AGBL1: variants seen among roughly 807,000 people sequenced by gnomAD.
The protein encoded by AGBL1 is AGBL carboxypeptidase 1, also known as cytosolic carboxypeptidase 4.
AGBL1 carries 130 observed loss-of-function variants against 118.9 expected under a neutral mutation model. The ratio of observed to expected loss-of-function variants is 1.09; its 90% confidence interval spans 0.95 to 1.26. The LOEUF (loss-of-function observed/expected upper bound fraction) is 1.26, where lower values mean the gene tolerates loss of function less well. Ranked by LOEUF, AGBL1 falls within the 50% of genes most tolerant of loss-of-function variation. The probability of loss-of-function intolerance (pLI) is 0.00; values close to 1 mark genes in which losing one functional copy is unlikely to be tolerated. For missense variants in AGBL1, 1,584 were observed against 1,298.1 expected, an observed-to-expected ratio of 1.22 and a Z score of -3.38; for synonymous variants, 555 against 478.9, an observed-to-expected ratio of 1.16 and a Z score of -2.08.
At chr15:86,831,617 G>A (rs960276876) in intron 22 of AGBL1, among the ~76,000 whole-genome samples, 1 of 152,216 alleles carries the variant, frequency 6.6e-6, no homozygotes, top group Non-Finnish European at 1.5e-5. Flanking sequence ...TGCAAGAGGT[G>A]GGTTCCCATG....
At chr15:87,014,146 A>G (rs1327265346) in intron 24 of AGBL1, among the ~76,000 whole-genome samples, 1 of 152,218 alleles carries the variant, frequency 6.6e-6, no homozygotes, top group African/African-American at 2.4e-5. Flanking sequence ...ATCATGATAT[A>G]GCCCAGAAAT....
intron 22 of AGBL1, among the ~76,000 whole-genome samples, chr15:86,749,436 T>C (rs2077812841): frequency 6.6e-6 from 1 of 152,092 alleles, no homozygotes; most frequent in Non-Finnish European, 1.5e-5. Flanking sequence ...TTTCTAGATA[T>C]ATAATCATGT....
rs1330536290 is a variant in AGBL1 at position 86,808,558 on chromosome 15, T to TTTCCTTCCTCCCCTTTCC, written c.3159-98501_3159-98484dup. ...TTATAAATTTTCTCTCCTCTTTATCTTTCCTTCCTCCCCTTTCCTTCCTTC... is the reference window on the plus strand; with the variant it reads ...TTATAAATTTTCTCTCCTCTTTATCTTTCCTTCCTCCCCTTTCCTTCCTTCCTCCCCTTTCCTTCCTTC... On this transcript the variant is annotated intron_variant, in intron 22 of 22. Transcript: ENST00000614907. Among the ~76,000 whole-genome samples, 886 of 150,886 alleles carry TTTCCTTCCTCCCCTTTCC rather than the reference T, an allele frequency of 5.9e-3. 19 individuals are homozygous for TTTCCTTCCTCCCCTTTCC. Among genetic ancestry groups the TTTCCTTCCTCCCCTTTCC allele is most frequent in the Middle Eastern group, 0.039 (11 of 284 alleles).
intron 17 of AGBL1, among the ~76,000 whole-genome samples, chr15:86,392,689 A>G (rs10520625): frequency 0.025 from 3,858 of 152,268 alleles, 169 homozygotes; most frequent in African/African-American, 0.089. Context: ...TCTCTTAGGC[A>G]TTATTCAATC....
At chr15:87,015,694 C>T (rs1240957917) in intron 24 of AGBL1, among the ~76,000 whole-genome samples, 1 of 152,170 alleles carries the variant, frequency 6.6e-6, no homozygotes, top group African/African-American at 2.4e-5. Context: ...GTTGATTATT[C>T]TTAGCCAATT....
chr15:86,184,061 A>G (rs1482579199), intron 5 of AGBL1, among the ~76,000 whole-genome samples: 1 of 152,336 alleles, frequency 6.6e-6, no homozygotes, highest in Non-Finnish European at 1.5e-5. Flanking sequence ...TAAGACAGAA[A>G]GAGATAAAGT....
intron 18 of AGBL1, among the ~76,000 whole-genome samples, chr15:86,463,699 C>A (rs1469637044): frequency 1.3e-5 from 2 of 152,162 alleles, no homozygotes; most frequent in South Asian, 2.1e-4. Flanking sequence ...AATAGGGAAT[C>A]CTTTCCCCAT....
chr15:86,905,771 C>T (rs888706144), intron 22 of AGBL1, among the ~76,000 whole-genome samples: 1 of 152,170 alleles, frequency 6.6e-6, no homozygotes. Context: ...GGAGGTGAGG[C>T]ACAGGCTCCC....
At chr15:86,411,889 A>G (rs1043315458) in intron 18 of AGBL1, among the ~76,000 whole-genome samples, 1 of 152,174 alleles carries the variant, frequency 6.6e-6, no homozygotes, top group African/African-American at 2.4e-5. Flanking sequence ...ATTTTAATTT[A>G]CTAGTGCCAG....
intron 18 of AGBL1, among the ~76,000 whole-genome samples, chr15:86,436,984 G>A (rs373670163): frequency 1.3e-5 from 2 of 151,546 alleles, no homozygotes; most frequent in Non-Finnish European, 2.9e-5. Flanking sequence ...TTGTGCAGAC[G>A]GATTTGAGCA....
chr15:86,121,305 T>C (rs1898081325), intron 1 of AGBL1, among the ~76,000 whole-genome samples: 1 of 152,204 alleles, frequency 6.6e-6, no homozygotes, highest in Non-Finnish European at 1.5e-5. Flanking sequence ...ATAACAACTA[T>C]TAATATCTAC....
At chr15:86,180,066 T>C (rs1447813582) in intron 5 of AGBL1, among the ~76,000 whole-genome samples, 3 of 151,916 alleles carry the variant, frequency 2.0e-5, no homozygotes, top group African/African-American at 4.8e-5. Context: ...AATAGAGAGA[T>C]AACTAGAGGT....
At chr15:86,883,752 A>G (rs1357041271) in intron 22 of AGBL1, among the ~76,000 whole-genome samples, 1 of 152,208 alleles carries the variant, frequency 6.6e-6, no homozygotes, top group Non-Finnish European at 1.5e-5. Flanking sequence ...TAAATTAATG[A>G]ATAGATAAAT....
chr15:86,594,647 T>C (rs920266166), intron 21 of AGBL1, among the ~76,000 whole-genome samples: 2 of 152,224 alleles, frequency 1.3e-5, no homozygotes, highest in Non-Finnish European at 2.9e-5. Context: ...TTAAAATTTG[T>C]AATTTGAGAG....
At chr15:86,382,071 C>G (rs2081119897) in intron 17 of AGBL1, among the ~76,000 whole-genome samples, 1 of 152,070 alleles carries the variant, frequency 6.6e-6, no homozygotes, top group Non-Finnish European at 1.5e-5. Flanking sequence ...GTGGGACTCC[C>G]CCACCGCCCT....
At chr15:86,770,622 C>A (rs114728669) in intron 22 of AGBL1, among the ~76,000 whole-genome samples, 1 of 151,900 alleles carries the variant, frequency 6.6e-6, no homozygotes, top group African/African-American at 2.4e-5. Context: ...TCAGAGGAGA[C>A]GTACCTGAAG....
At chr15:86,178,613 G>T (rs371349030) in intron 5 of AGBL1, among the ~76,000 whole-genome samples, 1 of 152,086 alleles carries the variant, frequency 6.6e-6, no homozygotes, top group East Asian at 1.9e-4. Flanking sequence ...ACAAAGAAAA[G>T]TCTAGGTTTA....
intron 22 of AGBL1, among the ~76,000 whole-genome samples, chr15:86,845,970 A>G (rs2079311702): frequency 6.6e-6 from 1 of 152,214 alleles, no homozygotes; most frequent in Non-Finnish European, 1.5e-5. Flanking sequence ...CCCTCTTGAA[A>G]GAAAGAGCAC....
chr15:86,255,707 G>C (rs528946158), intron 7 of AGBL1, among the ~76,000 whole-genome samples: 1 of 152,218 alleles, frequency 6.6e-6, no homozygotes, highest in South Asian at 2.1e-4. Flanking sequence ...GCTTGAACCC[G>C]GGAGGTGGAG....
Sources: gnomAD v4.1 joint callset for allele counts (sites outside exome capture counted in the v4.1 genomes callset) on GRCh38, gnomAD v4.1.1 for gene constraint, MANE v1.5 for transcripts, NCBI Gene and HGNC (gene_info 2026-07-23, HGNC 2026-07-21) for gene names.